The following YIPF4 variants were observed in gnomAD, a reference collection of about 807,000 sequenced individuals.
YIPF4 encodes the protein protein YIPF4.
YIPF4 carries 18 observed loss-of-function variants against 29.4 expected under a neutral mutation model. The observed-to-expected ratio is 0.61, with a 90% CI of 0.42 to 0.91. YIPF4 has a LOEUF of 0.91. Among genes scored for constraint, YIPF4 ranks in the 40% least tolerant of loss-of-function variants. The pLI, the probability that YIPF4 is intolerant of heterozygous loss-of-function variation, is 0.00. For synonymous variants in YIPF4, 115 were observed against 104.7 expected, an observed-to-expected ratio of 1.10 and a Z score of -0.60; for missense variants, 279 against 282.7, an observed-to-expected ratio of 0.99 and a Z score of 0.09.
At chr2:32,283,452 T>C (rs1031966391) in intron 1 of YIPF4, among the ~76,000 whole-genome samples, 1 of 152,210 alleles carries the variant, frequency 6.6e-6, no homozygotes, top group Non-Finnish European at 1.5e-5. Flanking sequence ...ATACCCTTTA[T>C]TCTAAAATGT....
At chr2:32,300,896 C>G (rs1426455248) in intron 4 of YIPF4, among the ~76,000 whole-genome samples, 4 of 152,184 alleles carry the variant, frequency 2.6e-5, no homozygotes, top group African/African-American at 4.8e-5. Flanking sequence ...ATGTGAAGCC[C>G]TATCACAGAA....
rs985525826 is a variant in YIPF4, at chr2:32,298,941, A to G, written c.483+630A>G. On this transcript the variant is annotated intron_variant, in intron 4 of 5. Coordinates refer to ENST00000238831, the MANE Select transcript of YIPF4 (RefSeq NM_032312.4). ...CACCCAGGCTGGAGTACAGTGGCAC[A>G]ATCTCGGCTCACTGCTACCTCCACC... Among the ~76,000 whole-genome samples, 18 of 151,822 alleles carry G rather than the reference A, an allele frequency of 1.2e-4. 1 individual carries two copies. Among genetic ancestry groups the G allele is most frequent in the Admixed American group, 1.1e-3 (16 of 15,200 alleles).
At chr2:32,293,573 G>A (rs2031015593) in intron 3 of YIPF4, among the ~76,000 whole-genome samples, 1 of 152,138 alleles carries the variant, frequency 6.6e-6, no homozygotes, top group Non-Finnish European at 1.5e-5. Flanking sequence ...AACCGCCATT[G>A]TCATCGTGGC....
chr2:32,298,946 C>T (rs941356334), intron 4 of YIPF4, among the ~76,000 whole-genome samples: 7 of 151,900 alleles, frequency 4.6e-5, no homozygotes, highest in South Asian at 2.1e-4. Flanking sequence ...GGCACAATCT[C>T]GGCTCACTGC....
rs541242730 is a variant in YIPF4 at position 32,315,514 on chromosome 2, C to G, written c.*9888C>G. The G allele has an allele frequency of 2.0e-5, 3 of 152,562 alleles. No homozygotes were observed. In the South Asian group the frequency reaches 6.2e-4, roughly 32 times the overall value. The allele number at this position is 152,562 out of a possible 1,614,324, so 9.5% of individuals were successfully genotyped here. A position where few individuals can be genotyped will look rare whatever the true frequency, so the allele number is the denominator to read the frequency against. On this transcript the variant is annotated 3_prime_UTR_variant, in exon 6 of 6. Coordinates refer to ENST00000238831, the MANE Select transcript of YIPF4 (RefSeq NM_032312.4). The stretch of plus-strand genomic sequence containing the variant: ...CCTGAAATCCCAGCACTTTGGGAGG[C>G]CGAGGCGGGCGGATCCTGAGGTCAG...
intron 1 of YIPF4, among the ~76,000 whole-genome samples, chr2:32,278,980 ATT>A (rs61561911): frequency 6.8e-6 from 1 of 146,690 alleles, no homozygotes; most frequent in African/African-American, 2.5e-5. Context: ...GTCATTTTCA[ATT>A]TTTTTTTTTT....
intron 1 of YIPF4, among the ~76,000 whole-genome samples, chr2:32,283,349 A>G (rs1428768069): frequency 1.3e-5 from 2 of 152,150 alleles, no homozygotes; most frequent in East Asian, 1.9e-4. Flanking sequence ...GAATATTTTC[A>G]ACTTACAGAT....
At chr2:32,300,470 C>G (rs182692490) in intron 4 of YIPF4, among the ~76,000 whole-genome samples, 1 of 151,508 alleles carries the variant, frequency 6.6e-6, no homozygotes, top group East Asian at 1.9e-4. Context: ...TTCTTTTATC[C>G]CTTCTATTTT....
At chr2:32,299,002 C>T (rs541578096) in intron 4 of YIPF4, among the ~76,000 whole-genome samples, 2 of 152,018 alleles carry the variant, frequency 1.3e-5, no homozygotes, top group South Asian at 2.1e-4. Context: ...CTTAGCCTCC[C>T]GAGTAGCTAG....
chr2:32,294,530 C>T (rs2031089250), intron 3 of YIPF4, among the ~76,000 whole-genome samples: 2 of 151,294 alleles, frequency 1.3e-5, no homozygotes, highest in South Asian at 4.2e-4. Context: ...AGAGGGGCTC[C>T]TCACTTCCTA....
chr2:32,304,921 C>CT (rs2031524909), intron 5 of YIPF4, among the ~76,000 whole-genome samples: 1 of 151,984 alleles, frequency 6.6e-6, no homozygotes, highest in African/African-American at 2.4e-5. Flanking sequence ...TTTTTATCTC[C>CT]TTTTTATTCA....
intron 1 of YIPF4, among the ~76,000 whole-genome samples, chr2:32,281,840 A>T (rs1272091532): frequency 6.7e-6 from 1 of 148,176 alleles, no homozygotes; most frequent in Non-Finnish European, 1.5e-5. Context: ...GGTTGCAGTG[A>T]GCCAAGATCA....
chr2:32,298,313 TA>T lies in YIPF4; in HGVS notation c.483+4del. The T allele has an allele frequency of 6.3e-7, 1 of 1,597,554 alleles. No homozygotes were observed. The highest frequency in any genetic ancestry group is 1.1e-5 in the South Asian group (1 of 90,236). ...CTGGCCAGAGTTCTTGGTGGAGAAG[TA>T]AGTAGTTTATTTTGAAAATAATCTT... On this transcript the variant is annotated splice_donor_region_variant and intron_variant, in intron 4 of 5. Coordinates refer to ENST00000238831, the MANE Select transcript of YIPF4 (RefSeq NM_032312.4).
intron 2 of YIPF4, chr2:32,290,877 A>G (rs1045766920): frequency 3.9e-5 from 8 of 202,810 alleles, no homozygotes; most frequent in South Asian, 3.4e-4. Context: ...TGTCTACTCC[A>G]GCTTACCTGG....
intron 1 of YIPF4, among the ~76,000 whole-genome samples, chr2:32,287,681 G>A (rs189958042): frequency 1.6e-3 from 246 of 152,238 alleles, no homozygotes; most frequent in Middle Eastern, 0.014. Context: ...GAGTTGAAAG[G>A]GAAGAAAAAT....
At chr2:32,279,314 A>G (rs1245908971) in intron 1 of YIPF4, among the ~76,000 whole-genome samples, 1 of 150,806 alleles carries the variant, frequency 6.6e-6, no homozygotes, top group African/African-American at 2.4e-5. Context: ...GTTATTTTCC[A>G]GTGACCAGAC....
chr2:32,279,581 A>AT (rs11316138), intron 1 of YIPF4, among the ~76,000 whole-genome samples: 92 of 139,046 alleles, frequency 6.6e-4, no homozygotes, highest in African/African-American at 2.3e-3. Flanking sequence ...TTTTTTTTGT[A>AT]TTTTTTTTTA....
Position 32,283,508 on chromosome 2 carries a change from G to T in YIPF4, c.79+5274G>T, listed in dbSNP as rs1371487164. Among the ~76,000 whole-genome samples, 5 of 152,060 alleles carry T rather than the reference G, an allele frequency of 3.3e-5. No homozygotes were observed. In the South Asian group the frequency reaches 6.2e-4, roughly 19 times the overall value. ...TGTGGATGCAGATTCTGATCATCAT[G>T]CTTAGAATGTCTTTCTCCTCCTCGC... On this transcript the variant is annotated intron_variant, in intron 1 of 5. Coordinates refer to ENST00000238831, the MANE Select transcript of YIPF4 (RefSeq NM_032312.4).
intron 4 of YIPF4, among the ~76,000 whole-genome samples, chr2:32,299,763 G>C (rs1025014638): frequency 2.2e-4 from 34 of 152,238 alleles, no homozygotes; most frequent in Middle Eastern, 3.4e-3. Flanking sequence ...GGTGAGCTGT[G>C]TTCGTGCCAC....
Sources: gnomAD v4.1 joint callset for allele counts (sites outside exome capture counted in the v4.1 genomes callset) on GRCh38, gnomAD v4.1.1 for gene constraint, MANE v1.5 for transcripts, NCBI Gene and HGNC (gene_info 2026-07-23, HGNC 2026-07-21) for gene names.